The following USP33 variants were observed in gnomAD, a reference collection of about 807,000 sequenced individuals.
USP33 encodes the protein ubiquitin specific peptidase 33, also known as ubiquitin carboxyl-terminal hydrolase 33.
A neutral mutation model predicts 124.2 loss-of-function variants in USP33; 46 were observed. That is an observed-to-expected ratio of 0.37 (90% CI 0.29 to 0.47). The LOEUF (loss-of-function observed/expected upper bound fraction) is 0.47. Among genes scored for constraint, USP33 ranks in the 20% least tolerant of loss-of-function variants. The pLI, the probability that USP33 is intolerant of heterozygous loss-of-function variation, is 0.99. For synonymous variants in USP33, 350 were observed against 352.3 expected (o/e 0.99, Z 0.07); for missense variants, 851 against 1,070.6 (o/e 0.79, Z 2.86).
chr1:77,713,511 A>T, intron 19 of USP33: 2 of 360,568 alleles, frequency 5.5e-6, no homozygotes, highest in Non-Finnish European at 4.9e-6. Context: ...CAGCGTCCTG[A>T]GTAGCTGGGA....
intron 21 of USP33, among the ~76,000 whole-genome samples, chr1:77,708,315 T>G (rs1467791821): frequency 6.6e-6 from 1 of 152,168 alleles, no homozygotes; most frequent in East Asian, 1.9e-4. Flanking sequence ...GAAAAATGAT[T>G]TTCCCCTCTG....
chr1:77,752,907 G>C (rs964000172), intron 1 of USP33, among the ~76,000 whole-genome samples: 2 of 151,596 alleles, frequency 1.3e-5, no homozygotes, highest in Admixed American at 6.6e-5. Context: ...GTGAAACCCT[G>C]TCTCTACTAA....
At chr1:77,741,875 T>C (rs1212406348) in intron 1 of USP33, 127 bp from the exon 2 acceptor site, 3 of 941,024 alleles carry the variant, frequency 3.2e-6, no homozygotes, top group South Asian at 5.4e-5. Flanking sequence ...AAGAATGATA[T>C]AAGTTTGCCC....
chr1:77,704,447 G>A (rs561674251), intron 21 of USP33, among the ~76,000 whole-genome samples: 2 of 152,210 alleles, frequency 1.3e-5, no homozygotes, highest in Middle Eastern at 3.4e-3. Context: ...CTTTATCTTT[G>A]GTATTAAGAA....
chr1:77,730,147 A>T (rs1677642145), intron 8 of USP33, among the ~76,000 whole-genome samples: 2 of 152,208 alleles, frequency 1.3e-5, no homozygotes, highest in East Asian at 3.8e-4. Flanking sequence ...TCCTCCCTCA[A>T]TTAAATGATT....
rs773529638 is a variant in USP33, at chr1:77,739,380, A to T, written c.236T>A (p.Leu79His). ...KHYLTVNLTT[L>H]RVWCYACSKE... Reference sequence around the variant, plus strand: ...GCTGCAAGCATAACACCATACTCGAAGAGTGGTAAGGTTCACAGTTAGATA... The same window carrying T: ...GCTGCAAGCATAACACCATACTCGATGAGTGGTAAGGTTCACAGTTAGATA... Residue 79 changes from leucine (L) to histidine (H), a missense_variant, in exon 5 of 24, where the codon CTT becomes CAT. Around this residue, in one of 4 missense-constraint regions of USP33, gnomAD observed 221 missense variants for 302.9 expected, o/e 0.73. Coordinates refer to ENST00000370794, the MANE Select transcript of USP33 (RefSeq NM_201624.3). 6.2e-7 allele frequency: 1 copy of T among 1,613,580 alleles called. No individual in the cohort carries two copies. Among genetic ancestry groups the T allele is most frequent in the Non-Finnish European group, 8.5e-7 (1 of 1,179,780 alleles).
At chr1:77,716,404 T>C (rs1295612524) in intron 17 of USP33, among the ~76,000 whole-genome samples, 1 of 152,142 alleles carries the variant, frequency 6.6e-6, no homozygotes, top group Non-Finnish European at 1.5e-5. Context: ...ATGAATAAAG[T>C]ACACTGACAC....
chr1:77,727,729 A>G (rs1570796781), intron 10 of USP33, among the ~76,000 whole-genome samples: 2 of 152,238 alleles, frequency 1.3e-5, no homozygotes, highest in African/African-American at 4.8e-5. Context: ...GGAAAACTAC[A>G]TACCACATTT....
In USP33 at chr1:77,721,968, T is replaced by A. The variant is rs547212756; in HGVS notation, c.1563-43A>T. On this transcript the variant is annotated intron_variant, in intron 13 of 23. Coordinates refer to ENST00000370794, the MANE Select transcript of USP33 (RefSeq NM_201624.3). ...GAAAAAAAAGGAAGTGTTCTGCCAG[T>A]ACAGCAGAAACAGCAGGTTTAACAA... 27 of 1,603,894 alleles carry A rather than the reference T, an allele frequency of 1.7e-5. No homozygotes were observed. In the Admixed American group the frequency reaches 2.3e-4, roughly 13 times the overall value.
chr1:77,715,287 AC>A (rs1386146176), intron 18 of USP33, among the ~76,000 whole-genome samples: 1 of 151,736 alleles, frequency 6.6e-6, no homozygotes, highest in African/African-American at 2.4e-5. Context: ...GCTCACTGCA[AC>A]CCCCACCCGC....
chr1:77,703,552 A>G (rs1674276603), intron 21 of USP33, among the ~76,000 whole-genome samples: 1 of 152,184 alleles, frequency 6.6e-6, no homozygotes, highest in Admixed American at 6.5e-5. Context: ...TGAACCCGGG[A>G]CGAGAAGGTT....
In USP33 at chr1:77,729,859, C is replaced by T; in HGVS notation, c.717+1G>A. 1 of 1,612,676 alleles carries T rather than the reference C, an allele frequency of 6.2e-7. No homozygotes were observed. Among genetic ancestry groups the T allele is most frequent in the Non-Finnish European group, 8.5e-7 (1 of 1,179,428 alleles). On this transcript the variant is annotated splice_donor_variant, in intron 9 of 23. Coordinates refer to ENST00000370794, the MANE Select transcript of USP33 (RefSeq NM_201624.3). LOFTEE classifies it high-confidence loss of function. ...TTACAAATGAAAAGCAATAAACTAA[C>T]CTGCTGAGAATACCCCCGAAATGTT...
intron 1 of USP33, among the ~76,000 whole-genome samples, chr1:77,750,753 T>C (rs906274587): frequency 2.0e-5 from 3 of 152,266 alleles, no homozygotes; most frequent in African/African-American, 7.2e-5. Flanking sequence ...TAGTATCCCG[T>C]ATAATACAAT....
chr1:77,704,631 T>A (rs1298431078), intron 21 of USP33, among the ~76,000 whole-genome samples: 1 of 152,186 alleles, frequency 6.6e-6, no homozygotes, highest in Non-Finnish European at 1.5e-5. Flanking sequence ...AAACAATGGA[T>A]CCTATAGCTA....
chr1:77,714,443 A>G (rs1314699353), intron 19 of USP33, among the ~76,000 whole-genome samples, 171 bp downstream of exon 19: 1 of 152,238 alleles, frequency 6.6e-6, no homozygotes, highest in Non-Finnish European at 1.5e-5. Flanking sequence ...ATTACCTACA[A>G]TTAAAAAGGA....
At chr1:77,707,058 CCA>C (rs986046756) in intron 21 of USP33, among the ~76,000 whole-genome samples, 1 of 151,988 alleles carries the variant, frequency 6.6e-6, no homozygotes, top group African/African-American at 2.4e-5. Context: ...ATGACTGACC[CCA>C]GTTATAAAGG....
At chr1:77,758,463 C>G (rs905191971) in intron 1 of USP33, among the ~76,000 whole-genome samples, 8 of 152,172 alleles carry the variant, frequency 5.3e-5, no homozygotes, top group African/African-American at 1.9e-4. Flanking sequence ...CGTGAGCCAC[C>G]GTGCCCAGCC....
At chr1:77,699,458 A>C (rs530417444) in intron 22 of USP33, among the ~76,000 whole-genome samples, 5 of 152,290 alleles carry the variant, frequency 3.3e-5, no homozygotes, top group South Asian at 4.1e-4. Flanking sequence ...AGGAGGTTGC[A>C]ATGAGCTGAG....
At chr1:77,707,816 G>C (rs371893686) in intron 21 of USP33, among the ~76,000 whole-genome samples, 2 of 152,160 alleles carry the variant, frequency 1.3e-5, no homozygotes, top group South Asian at 4.1e-4. Context: ...ATATTTACCA[G>C]ATGTTGAAAT....
Sources: gnomAD v4.1 joint callset for allele counts (sites outside exome capture counted in the v4.1 genomes callset) on GRCh38, gnomAD v4.1.1 for gene constraint, gnomAD v4.1.1 regional missense constraint, MANE v1.5 for transcripts, NCBI Gene and HGNC (gene_info 2026-07-23, HGNC 2026-07-21) for gene names.